The following SYTL3 variants were observed in gnomAD, a reference collection of about 807,000 sequenced individuals.
The protein encoded by SYTL3 is synaptotagmin-like protein 3.
In SYTL3, 88 loss-of-function variants were observed where a neutral mutation model predicts 82.1. The observed-to-expected ratio is 1.07, with a 90% CI of 0.90 to 1.28. The LOEUF (loss-of-function observed/expected upper bound fraction) is 1.28. Among genes scored for constraint, SYTL3 ranks in the 50% most tolerant of loss-of-function variants. The pLI is 0.00. For synonymous variants in SYTL3, 311 were observed against 289.4 expected, an observed-to-expected ratio of 1.07 and a Z score of -0.76; for missense variants, 831 against 757.6, an observed-to-expected ratio of 1.10 and a Z score of -1.14.
chr6:158,710,531 A>C (rs1039650358), intron 8 of SYTL3, among the ~76,000 whole-genome samples: 1 of 151,868 alleles, frequency 6.6e-6, no homozygotes, highest in Non-Finnish European at 1.5e-5. Context: ...AAAAAAATGC[A>C]TAACACAAAT....
chr6:158,678,636 A>T (rs1014182650), intron 5 of SYTL3, among the ~76,000 whole-genome samples: 2 of 152,182 alleles, frequency 1.3e-5, no homozygotes, highest in Non-Finnish European at 2.9e-5. Context: ...GGCTGTGAAA[A>T]TGGATGCTGA....
intron 8 of SYTL3, among the ~76,000 whole-genome samples, chr6:158,713,130 A>G (rs1013745772): frequency 6.6e-6 from 1 of 152,024 alleles, no homozygotes; most frequent in Non-Finnish European, 1.5e-5. Flanking sequence ...GGAAATTTCA[A>G]ATTCTCCAGA....
rs372254999 is a variant in SYTL3, at chr6:158,760,589, G to A, written c.1309-51G>A. 4.6e-5 allele frequency: 70 copies of A among 1,515,552 alleles called. 1 individual carries two copies. The highest frequency in any genetic ancestry group is 7.3e-6 in the Non-Finnish European group (8 of 1,090,800). 93.9% of individuals were successfully genotyped at this position (1,515,552 alleles called of 1,614,324 possible). Reference sequence around the variant, plus strand: ...TGAGACAACCAGAGGAACCCAGAAGGTTCTTGGGACTTGGGGAATCCTGTC... The same window carrying A: ...TGAGACAACCAGAGGAACCCAGAAGATTCTTGGGACTTGGGGAATCCTGTC... On this transcript the variant is annotated intron_variant, in intron 14 of 17. Transcript: ENST00000611299.
intron 5 of SYTL3, among the ~76,000 whole-genome samples, chr6:158,680,483 A>T (rs771545454): frequency 3.3e-5 from 5 of 150,656 alleles, no homozygotes; most frequent in Non-Finnish European, 7.4e-5. Context: ...CCATGCCTGT[A>T]ATCCCAGCAC....
chr6:158,718,682 G>A (rs184039341), intron 10 of SYTL3, among the ~76,000 whole-genome samples: 10 of 152,378 alleles, frequency 6.6e-5, no homozygotes, highest in Admixed American at 5.2e-4. Context: ...CCACAAGTGA[G>A]AGCTCCCTTA....
chr6:158,755,042 A>ATCCT (rs1788892432), intron 13 of SYTL3, among the ~76,000 whole-genome samples: 1 of 152,092 alleles, frequency 6.6e-6, no homozygotes, highest in African/African-American at 2.4e-5. Context: ...TGTGGGGCAG[A>ATCCT]GTCGGAAATG....
At chr6:158,671,634 G>A (rs569512298) in intron 5 of SYTL3, among the ~76,000 whole-genome samples, 11 of 151,394 alleles carry the variant, frequency 7.3e-5, no homozygotes, top group Admixed American at 5.3e-4. Context: ...GCATGATGGC[G>A]CACCCCTGTA....
Position 158,760,640 on chromosome 6 carries a change from G to A in SYTL3, c.1309G>A (p.Ala437Thr). The A allele has an allele frequency of 6.2e-7, 1 of 1,613,690 alleles. No individual in the cohort carries two copies. Among genetic ancestry groups the A allele is most frequent in the African/African-American group, 1.3e-5 (1 of 75,012 alleles). The change falls in exon 15 of 18, where the codon GCG (alanine) becomes ACG (threonine). Residue 437 changes from alanine (A) to threonine (T), a missense_variant and splice_region_variant. Ala to Thr is a moderately conservative substitution (Grantham distance 58). Transcript: ENST00000611299. ...SFRWHPLRAK[A>T]EKYEDSVPQS... Reference sequence around the variant, plus strand: ...CCTAAGCTCTGCCTCTTGTCCCCAGGCGGAGAAATACGAAGACAGCGTTCC... The same window carrying A: ...CCTAAGCTCTGCCTCTTGTCCCCAGACGGAGAAATACGAAGACAGCGTTCC...
chr6:158,650,777 TAAAAAAA>T (rs11464035), intron 1 of SYTL3, among the ~76,000 whole-genome samples: 8 of 138,280 alleles, frequency 5.8e-5, no homozygotes, highest in Non-Finnish European at 1.1e-4. Flanking sequence ...ACCCCATCTC[TAAAAAAA>T]AAAAAAAAAT....
intron 6 of SYTL3, among the ~76,000 whole-genome samples, chr6:158,701,628 G>A (rs1479742783): frequency 6.6e-6 from 1 of 151,646 alleles, no homozygotes; most frequent in East Asian, 1.9e-4. Context: ...CTGGGGCTGA[G>A]CGAAGGAGAT....
At chr6:158,672,441 G>A (rs1777499694) in intron 5 of SYTL3, among the ~76,000 whole-genome samples, 1 of 152,132 alleles carries the variant, frequency 6.6e-6, no homozygotes, top group Non-Finnish European at 1.5e-5. Flanking sequence ...AGTAAATGCA[G>A]CCATGTTGCC....
chr6:158,666,000 A>G (rs1443467064), intron 5 of SYTL3, among the ~76,000 whole-genome samples: 1 of 151,986 alleles, frequency 6.6e-6, no homozygotes, highest in Non-Finnish European at 1.5e-5. Context: ...AGTCCCAGCT[A>G]CTCAGGAGGC....
At chr6:158,702,343 A>AT (rs1781407071) in intron 6 of SYTL3, among the ~76,000 whole-genome samples, 1 of 151,074 alleles carries the variant, frequency 6.6e-6, no homozygotes, top group Admixed American at 6.6e-5. Context: ...AAAAAAAAAA[A>AT]AAATTTTTTT....
intron 9 of SYTL3, 91 bp from the exon 10 acceptor site, chr6:158,717,996 T>A: frequency 7.8e-7 from 1 of 1,280,590 alleles, no homozygotes; most frequent in African/African-American, 1.5e-5. Context: ...GGACCCACTG[T>A]CTGTGGGTTC....
In SYTL3 at chr6:158,757,330, C is replaced by T; in HGVS notation, c.1257C>T (p.Asp419=). ...GEVIIPLATW[D]FEDSTTQSFR... ...TGATCATTCCTCTGGCCACGTGGGA[C>T]TTTGAAGACAGCACAACACAGTCCT... is the stretch of plus-strand genomic sequence containing the variant. The change falls in exon 14 of 18, where the codon GAC becomes GAT. Residue 419 remains aspartate (D), a synonymous_variant. Coordinates refer to ENST00000611299, the MANE Select transcript of SYTL3 (RefSeq NM_001242394.2). 2 of 1,614,064 alleles carry T rather than the reference C, an allele frequency of 1.2e-6. No homozygotes were observed. Among genetic ancestry groups the T allele is most frequent in the Non-Finnish European group, 8.5e-7 (1 of 1,180,008 alleles).
chr6:158,648,604 A>AAT (rs1554234538), upstream of SYTL3, among the ~76,000 whole-genome samples: 36 of 137,464 alleles, frequency 2.6e-4, no homozygotes, highest in Admixed American at 8.9e-4. Context: ...AAAAAAAAAA[A>AAT]AAAAATAATA....
At chr6:158,668,321 C>CA (rs1403268025) in intron 5 of SYTL3, among the ~76,000 whole-genome samples, 1 of 151,298 alleles carries the variant, frequency 6.6e-6, no homozygotes. Flanking sequence ...CCTCTGCCTC[C>CA]AGGTTCAAGC....
chr6:158,758,370 A>G (rs1169326256), intron 14 of SYTL3, among the ~76,000 whole-genome samples: 1 of 151,320 alleles, frequency 6.6e-6, no homozygotes, highest in East Asian at 2.0e-4. Context: ...CCTGGGAGGC[A>G]GAGGTTGCAA....
chr6:158,734,535 ATCCCAC>A (rs976694945), intron 11 of SYTL3, among the ~76,000 whole-genome samples: 2 of 152,096 alleles, frequency 1.3e-5, no homozygotes, highest in African/African-American at 4.8e-5. Context: ...CCCCAGACAC[ATCCCAC>A]CTCCAGGCAT....
Sources: gnomAD v4.1 joint callset for allele counts (sites outside exome capture counted in the v4.1 genomes callset) on GRCh38, gnomAD v4.1.1 for gene constraint, MANE v1.5 for transcripts, NCBI Gene and HGNC (gene_info 2026-07-23, HGNC 2026-07-21) for gene names.